The following ZDHHC17 variants were observed in gnomAD, a reference collection of about 807,000 sequenced individuals.
ZDHHC17 encodes zDHHC palmitoyltransferase 17.
ZDHHC17 carries 40 observed loss-of-function variants against 90.3 expected under a neutral mutation model. The observed-to-expected ratio is 0.44, with a 90% confidence interval of 0.34 to 0.58. The LOEUF is 0.58. ZDHHC17 is among the 20% of genes least tolerant of loss of function. The probability of loss-of-function intolerance (pLI) is 0.01; values close to 1 mark genes in which losing one functional copy is unlikely to be tolerated. For missense variants in ZDHHC17, 614 were observed against 780.8 expected, an observed-to-expected ratio of 0.79 and a Z score of 2.55; for synonymous variants, 235 against 252.4, an observed-to-expected ratio of 0.93 and a Z score of 0.65.
intron 10 of ZDHHC17, among the ~76,000 whole-genome samples, chr12:76,832,437 G>A (rs756646135): frequency 6.6e-6 from 1 of 152,192 alleles, no homozygotes; most frequent in Admixed American, 6.5e-5. Flanking sequence ...TGAAGTTGCT[G>A]CAAGCACTGA....
intron 7 of ZDHHC17, among the ~76,000 whole-genome samples, chr12:76,818,246 A>G (rs12369246): frequency 0.011 from 1,688 of 152,304 alleles, 11 homozygotes; most frequent in Non-Finnish European, 0.017. Context: ...AATGCACTTT[A>G]TATGTAATTA....
intron 10 of ZDHHC17, among the ~76,000 whole-genome samples, chr12:76,841,315 A>G (rs1364475447): frequency 6.6e-6 from 1 of 152,186 alleles, no homozygotes; most frequent in Non-Finnish European, 1.5e-5. Context: ...ACTTGTATCT[A>G]CATACAATCT....
chr12:76,817,468 TG>T, intron 7 of ZDHHC17, among the ~76,000 whole-genome samples: 1 of 152,032 alleles, frequency 6.6e-6, no homozygotes, highest in Non-Finnish European at 1.5e-5. Context: ...AGTAAGACTC[TG>T]TAGACCTTCT....
At chr12:76,809,927 GT>G in intron 5 of ZDHHC17, 70 bp downstream of exon 5, 2 of 1,507,660 alleles carry the variant, frequency 1.3e-6, no homozygotes, top group Non-Finnish European at 1.8e-6. Flanking sequence ...AATATTATTG[GT>G]GTTGTAACAA....
intron 5 of ZDHHC17, among the ~76,000 whole-genome samples, chr12:76,812,995 A>T (rs1014266462): frequency 2.6e-5 from 4 of 152,124 alleles, no homozygotes; most frequent in Admixed American, 2.6e-4. Context: ...AGAAGTACCA[A>T]GTTTTAAATC....
chr12:76,777,412 C>T (rs11115332), intron 1 of ZDHHC17, among the ~76,000 whole-genome samples: 6 of 152,002 alleles, frequency 3.9e-5, no homozygotes, highest in Admixed American at 2.6e-4. Flanking sequence ...ATGGATGTAC[C>T]GTGATGTGTT....
intron 7 of ZDHHC17, among the ~76,000 whole-genome samples, chr12:76,822,160 T>A (rs531954428): frequency 1.3e-5 from 2 of 152,330 alleles, no homozygotes; most frequent in South Asian, 2.1e-4. Flanking sequence ...TGATTTGCTC[T>A]CTAATATGTC....
intron 7 of ZDHHC17, among the ~76,000 whole-genome samples, chr12:76,817,315 T>G (rs1049388305): frequency 5.9e-5 from 9 of 152,100 alleles, no homozygotes; most frequent in African/African-American, 1.9e-4. Flanking sequence ...TTACCTCATG[T>G]TTTTTTATCT....
At chr12:76,831,307 T>C (rs1023774337) in intron 10 of ZDHHC17, among the ~76,000 whole-genome samples, 1 of 152,108 alleles carries the variant, frequency 6.6e-6, no homozygotes, top group South Asian at 2.1e-4. Flanking sequence ...TTCACAATTT[T>C]TTTTTGTTTT....
chr12:76,819,131 C>T (rs1246198801), intron 7 of ZDHHC17, among the ~76,000 whole-genome samples: 1 of 152,106 alleles, frequency 6.6e-6, no homozygotes, highest in East Asian at 1.9e-4. Context: ...TTTTGGGTAA[C>T]TGAGCGTCTT....
chr12:76,797,719 G>A (rs890067733), intron 2 of ZDHHC17, among the ~76,000 whole-genome samples, 182 bp downstream of exon 2: 17 of 152,090 alleles, frequency 1.1e-4, no homozygotes, highest in Non-Finnish European at 2.1e-4. Flanking sequence ...GAGGAGGGTG[G>A]ATCACCTGAG....
chr12:76,812,760 C>T (rs1342911196), intron 5 of ZDHHC17, among the ~76,000 whole-genome samples: 1 of 151,986 alleles, frequency 6.6e-6, no homozygotes, highest in Non-Finnish European at 1.5e-5. Flanking sequence ...TATAACATTT[C>T]CATTCAGTTT....
intron 1 of ZDHHC17, among the ~76,000 whole-genome samples, chr12:76,766,801 CTT>C (rs10593216): frequency 0.15 from 22,812 of 151,964 alleles, 1,979 homozygotes; most frequent in Non-Finnish European, 0.2. Context: ...GAGAGAATCA[CTT>C]GAGCCCAGGA....
intron 10 of ZDHHC17, among the ~76,000 whole-genome samples, chr12:76,829,511 C>CATT (rs887627574): frequency 8.2e-5 from 12 of 145,810 alleles, no homozygotes; most frequent in Admixed American, 2.0e-4. Flanking sequence ...CAGCCATCTC[C>CATT]ATTTTATACT....
chr12:76,808,637 T>C (rs1952982666), intron 3 of ZDHHC17, among the ~76,000 whole-genome samples: 1 of 152,200 alleles, frequency 6.6e-6, no homozygotes, highest in African/African-American at 2.4e-5. Flanking sequence ...TGATTTAATC[T>C]ACAGTAATCT....
At chr12:76,816,823 T>C (rs1415766356) in intron 7 of ZDHHC17, among the ~76,000 whole-genome samples, 1 of 152,074 alleles carries the variant, frequency 6.6e-6, no homozygotes, top group Admixed American at 6.6e-5. Context: ...GTTAAGCTTA[T>C]CAATTTTTAG....
At chr12:76,777,990 C>G (rs1952577980) in intron 1 of ZDHHC17, among the ~76,000 whole-genome samples, 2 of 152,116 alleles carry the variant, frequency 1.3e-5, no homozygotes, top group South Asian at 4.1e-4. Context: ...GGGACTATGC[C>G]TTTTTTAAGG....
At chr12:76,823,811 T>A (rs1275297193) in intron 8 of ZDHHC17, among the ~76,000 whole-genome samples, 1 of 152,212 alleles carries the variant, frequency 6.6e-6, no homozygotes, top group Non-Finnish European at 1.5e-5. Flanking sequence ...GTTTATAAAC[T>A]TGGCTGTTTT....
At chr12:76,805,282 AAT>A in intron 2 of ZDHHC17, 33 bp from the exon 3 acceptor site, 1 of 1,520,524 alleles carries the variant, frequency 6.6e-7, no homozygotes, top group Non-Finnish European at 9.0e-7. Context: ...TTTCTTGTTA[AAT>A]AATAACAATG....
Sources: gnomAD v4.1 joint callset for allele counts (sites outside exome capture counted in the v4.1 genomes callset) on GRCh38, gnomAD v4.1.1 for gene constraint, MANE v1.5 for transcripts, NCBI Gene and HGNC (gene_info 2026-07-23, HGNC 2026-07-21) for gene names.